CNTLN: variants seen among roughly 807,000 people sequenced by gnomAD.
CNTLN encodes centlein, also known as centlein, centrosomal protein.
Under a neutral mutation model 180.0 loss-of-function variants are expected in CNTLN, and 212 were observed. The ratio of observed to expected loss-of-function variants is 1.18; its 90% CI spans 1.05 to 1.32. The LOEUF is 1.32. CNTLN is among the 40% of genes most tolerant of loss of function. The probability of loss-of-function intolerance (pLI) is 0.00; values close to 1 mark genes in which losing one functional copy is unlikely to be tolerated. For synonymous variants in CNTLN, 722 were observed against 563.1 expected, an observed-to-expected ratio of 1.28 and a Z score of -3.99; for missense variants, 2,095 against 1,610.9, an observed-to-expected ratio of 1.30 and a Z score of -5.14.
At chr9:17,182,315 G>A (rs1821174617) in intron 2 of CNTLN, among the ~76,000 whole-genome samples, 1 of 152,054 alleles carries the variant, frequency 6.6e-6, no homozygotes, top group Admixed American at 6.6e-5. Context: ...GGTGTTTCTA[G>A]GTTGTCAACT....
chr9:17,192,483 C>T (rs141585206), intron 2 of CNTLN, among the ~76,000 whole-genome samples: 2,114 of 151,218 alleles, frequency 0.014, 79 homozygotes, highest in East Asian at 0.13. Context: ...GTGATCCACC[C>T]ACCTCAGCCT....
At chr9:17,432,969 T>G (rs1382789658) in intron 18 of CNTLN, among the ~76,000 whole-genome samples, 1 of 138,506 alleles carries the variant, frequency 7.2e-6, no homozygotes, top group Non-Finnish European at 1.5e-5. Flanking sequence ...TGCAGTGAGC[T>G]GAGATCATGC....
At chr9:17,370,990 C>T (rs1466367860) in intron 13 of CNTLN, among the ~76,000 whole-genome samples, 1 of 151,734 alleles carries the variant, frequency 6.6e-6, no homozygotes, top group African/African-American at 2.4e-5. Flanking sequence ...ATAAAATTTT[C>T]GTTTTATTTT....
intron 2 of CNTLN, among the ~76,000 whole-genome samples, chr9:17,154,822 G>A (rs1819149125): frequency 1.3e-5 from 2 of 152,184 alleles, no homozygotes; most frequent in African/African-American, 4.8e-5. Flanking sequence ...GCCAAATAAG[G>A]GAATAAAAGC....
At chr9:17,210,500 T>C (rs887137263) in intron 2 of CNTLN, among the ~76,000 whole-genome samples, 8 of 152,338 alleles carry the variant, frequency 5.3e-5, no homozygotes, top group African/African-American at 1.9e-4. Context: ...TCTTTGCTAT[T>C]GTGAATATTG....
At chr9:17,403,888 G>A (rs1827178632) in intron 15 of CNTLN, among the ~76,000 whole-genome samples, 1 of 151,748 alleles carries the variant, frequency 6.6e-6, no homozygotes, top group Admixed American at 6.6e-5. Context: ...CGATTCTCGT[G>A]CTTCAGCCTC....
intron 5 of CNTLN, among the ~76,000 whole-genome samples, chr9:17,267,597 T>A (rs1451981479): frequency 2.6e-5 from 4 of 151,944 alleles, no homozygotes; most frequent in Non-Finnish European, 5.9e-5. Context: ...ACTTGCTAGA[T>A]TGGGGAAGTT....
At chr9:17,149,500 T>C (rs1487185046) in intron 2 of CNTLN, among the ~76,000 whole-genome samples, 1 of 149,496 alleles carries the variant, frequency 6.7e-6, no homozygotes, top group Admixed American at 6.7e-5. Context: ...ACTTTTTTTA[T>C]TTTCTTTCTT....
At chr9:17,420,840 G>A (rs1828661051) in intron 18 of CNTLN, among the ~76,000 whole-genome samples, 1 of 152,030 alleles carries the variant, frequency 6.6e-6, no homozygotes, top group African/African-American at 2.4e-5. Flanking sequence ...GGAACATATT[G>A]TGTAATTTCC....
At chr9:17,293,749 A>G (rs1272679781) in intron 6 of CNTLN, among the ~76,000 whole-genome samples, 2 of 152,084 alleles carry the variant, frequency 1.3e-5, no homozygotes, top group Non-Finnish European at 2.9e-5. Flanking sequence ...CTCCCCTTCC[A>G]TTAGGAAGTT....
At chr9:17,253,095 C>T (rs971173714) in intron 5 of CNTLN, among the ~76,000 whole-genome samples, 1 of 151,476 alleles carries the variant, frequency 6.6e-6, no homozygotes, top group Non-Finnish European at 1.5e-5. Flanking sequence ...GGTGGATTTA[C>T]TTCTGGGTTC....
chr9:17,434,158 A>G (rs541279465), intron 18 of CNTLN, among the ~76,000 whole-genome samples: 247 of 152,174 alleles, frequency 1.6e-3, no homozygotes, highest in African/African-American at 5.1e-3. Flanking sequence ...TGTTCTTGCT[A>G]GAAACAACAA....
chr9:17,261,109 G>C (rs1200133045), intron 5 of CNTLN, among the ~76,000 whole-genome samples: 1 of 151,452 alleles, frequency 6.6e-6, no homozygotes, highest in Non-Finnish European at 1.5e-5. Flanking sequence ...GTTGGATAAT[G>C]TGATGCATCT....
At chr9:17,202,661 T>TTTTTTTTTTTTTTC (rs1822625105) in intron 2 of CNTLN, among the ~76,000 whole-genome samples, 1 of 146,750 alleles carries the variant, frequency 6.8e-6, no homozygotes, top group Non-Finnish European at 1.5e-5. Context: ...TTTTTTTTTT[T>TTTTTTTTTTTTTTC]TTTTTTTTTG....
intron 2 of CNTLN, among the ~76,000 whole-genome samples, chr9:17,175,384 A>C (rs1396390975): frequency 2.0e-5 from 3 of 152,142 alleles, no homozygotes; most frequent in African/African-American, 7.2e-5. Flanking sequence ...TTCTTCTAGC[A>C]CAATTTGTTA....
At chr9:17,511,013 T>C in the CNTLN span, among the ~76,000 whole-genome samples, 3 of 152,308 alleles carry the variant, frequency 2.0e-5, no homozygotes, top group South Asian at 4.1e-4. Context: ...AGAGATGAAG[T>C]TGGTCTGCAT....
At chr9:17,398,748 A>G (rs1826731149) in intron 15 of CNTLN, among the ~76,000 whole-genome samples, 1 of 152,196 alleles carries the variant, frequency 6.6e-6, no homozygotes, top group Admixed American at 6.5e-5. Context: ...AAGCAGAGAA[A>G]TAAGAATTTA....
intron 15 of CNTLN, among the ~76,000 whole-genome samples, chr9:17,396,236 C>T (rs909797716): frequency 6.6e-6 from 1 of 152,200 alleles, no homozygotes; most frequent in Non-Finnish European, 1.5e-5. Flanking sequence ...AATAGCCATT[C>T]TTTTATTCCT....
chr9:17,292,391 G>T (rs1273889102), intron 6 of CNTLN, among the ~76,000 whole-genome samples: 2 of 152,148 alleles, frequency 1.3e-5, no homozygotes, highest in African/African-American at 4.8e-5. Context: ...ATATCCTGAG[G>T]TATGTTTTCC....
Sources: gnomAD v4.1 joint callset for allele counts (sites outside exome capture counted in the v4.1 genomes callset) on GRCh38, gnomAD v4.1.1 for gene constraint, MANE v1.5 for transcripts, NCBI Gene and HGNC (gene_info 2026-07-23, HGNC 2026-07-21) for gene names.